CNTN1: variants seen among roughly 807,000 people sequenced by gnomAD.
CNTN1 encodes contactin 1.
In CNTN1, 38 loss-of-function variants were observed where a neutral mutation model predicts 126.4. The ratio of observed to expected loss-of-function variants is 0.30; its 90% CI spans 0.23 to 0.39. The LOEUF (loss-of-function observed/expected upper bound fraction) is 0.39, where lower values mean the gene tolerates loss of function less well. Among genes scored for constraint, CNTN1 ranks in the 10% least tolerant of loss-of-function variants. The probability of loss-of-function intolerance (pLI) is 1.00; values close to 1 mark genes in which losing one functional copy is unlikely to be tolerated. For synonymous variants in CNTN1, 413 were observed against 422.6 expected (o/e 0.98, Z 0.28); for missense variants, 1,009 against 1,248.4 (o/e 0.81, Z 2.89).
intron 1 of CNTN1, among the ~76,000 whole-genome samples, chr12:40,735,655 G>A (rs977054536): frequency 4.6e-5 from 7 of 152,034 alleles, no homozygotes; most frequent in African/African-American, 1.4e-4. Flanking sequence ...GACAAAAATA[G>A]GGATATCTAT....
chr12:40,723,375 C>G (rs1362599678), intron 1 of CNTN1, among the ~76,000 whole-genome samples: 1 of 152,190 alleles, frequency 6.6e-6, no homozygotes, highest in Non-Finnish European at 1.5e-5. Flanking sequence ...CTGCTTTACG[C>G]TTTCAGTTTT....
At chr12:40,798,983 C>G (rs1278924064) in intron 1 of CNTN1, among the ~76,000 whole-genome samples, 1 of 100,744 alleles carries the variant, frequency 9.9e-6, no homozygotes, top group African/African-American at 3.9e-5. Context: ...TATTTTTTAA[C>G]TTTATGTATA....
At chr12:40,757,984 C>T (rs904345272) in intron 1 of CNTN1, among the ~76,000 whole-genome samples, 17 of 148,432 alleles carry the variant, frequency 1.1e-4, no homozygotes, top group Admixed American at 7.4e-4. Context: ...TTGGTGTTGT[C>T]GAGGATTAAT....
At chr12:40,858,390 A>G (rs1020164233) in intron 1 of CNTN1, among the ~76,000 whole-genome samples, 10 of 152,216 alleles carry the variant, frequency 6.6e-5, no homozygotes, top group Admixed American at 5.9e-4. Context: ...AACAATATGA[A>G]AAAAAGCTGA....
At chr12:40,858,306 C>A (rs1355259511) in intron 1 of CNTN1, among the ~76,000 whole-genome samples, 1 of 152,158 alleles carries the variant, frequency 6.6e-6, no homozygotes, top group Non-Finnish European at 1.5e-5. Context: ...TTGATTAAGA[C>A]CAGCCCATTC....
At chr12:40,999,453 A>G (rs1482078835) in intron 17 of CNTN1, among the ~76,000 whole-genome samples, 1 of 152,130 alleles carries the variant, frequency 6.6e-6, no homozygotes, top group East Asian at 1.9e-4. Context: ...CTTCCCTGAA[A>G]CAAATCATGC....
intron 17 of CNTN1, among the ~76,000 whole-genome samples, chr12:40,997,091 G>A (rs530321799): frequency 1.7e-4 from 26 of 152,270 alleles, no homozygotes; most frequent in African/African-American, 6.0e-4. Context: ...ATTCAGACAC[G>A]TGCATTATAA....
intron 20 of CNTN1, among the ~76,000 whole-genome samples, chr12:41,023,824 A>G (rs1948979665): frequency 6.6e-6 from 1 of 152,192 alleles, no homozygotes; most frequent in African/African-American, 2.4e-5. Flanking sequence ...TTTGAAACAG[A>G]GCCTCAAACA....
intron 19 of CNTN1, among the ~76,000 whole-genome samples, chr12:41,017,288 A>G (rs1193927506): frequency 1.3e-5 from 2 of 150,578 alleles, no homozygotes; most frequent in Non-Finnish European, 3.0e-5. Flanking sequence ...CTTCTATAAT[A>G]TGGCCGGGCG....
intron 1 of CNTN1, among the ~76,000 whole-genome samples, chr12:40,782,100 A>AC (rs1488572112): frequency 6.6e-6 from 1 of 151,932 alleles, no homozygotes; most frequent in Non-Finnish European, 1.5e-5. Context: ...TTTGAGTGAA[A>AC]CCATCCCCTA....
intron 1 of CNTN1, among the ~76,000 whole-genome samples, chr12:40,733,363 A>G (rs1448272103): frequency 6.6e-6 from 1 of 151,962 alleles, no homozygotes; most frequent in Non-Finnish European, 1.5e-5. Flanking sequence ...TTATGTTAAA[A>G]GTCAGATTTT....
chr12:41,020,282 A>C, intron 19 of CNTN1, 55 bp from the exon 20 acceptor site: 1 of 1,150,478 alleles, frequency 8.7e-7, no homozygotes, highest in Non-Finnish European at 1.3e-6. Flanking sequence ...ATGCTATTCG[A>C]ATTTCTTAAA....
At chr12:40,697,461 A>G (rs1366267303) in intron 1 of CNTN1, among the ~76,000 whole-genome samples, 2 of 152,216 alleles carry the variant, frequency 1.3e-5, no homozygotes, top group African/African-American at 4.8e-5. Context: ...GTAATAGGAA[A>G]TCTGAGGTAT....
At chr12:41,016,436 G>A (rs189994095) in intron 18 of CNTN1, among the ~76,000 whole-genome samples, 129 of 152,226 alleles carry the variant, frequency 8.5e-4, no homozygotes, top group African/African-American at 3.0e-3. Flanking sequence ...AGAAGAAACT[G>A]AAAGGAAAAA....
At chr12:40,963,141 G>T (rs1040450409) in intron 15 of CNTN1, among the ~76,000 whole-genome samples, 1 of 151,966 alleles carries the variant, frequency 6.6e-6, no homozygotes, top group Non-Finnish European at 1.5e-5. Flanking sequence ...AAAATTGATG[G>T]CCAGGTGTGG....
chr12:40,867,139 C>T (rs1943323062), intron 1 of CNTN1, among the ~76,000 whole-genome samples: 1 of 152,076 alleles, frequency 6.6e-6, no homozygotes. Flanking sequence ...TTTAATGTAC[C>T]TTGTTGTCCA....
intron 23 of CNTN1, among the ~76,000 whole-genome samples, chr12:41,042,212 G>C (rs1488740666): frequency 6.6e-6 from 1 of 152,114 alleles, no homozygotes; most frequent in Admixed American, 6.6e-5. Flanking sequence ...CAGTTTCCAT[G>C]TAGTTGAGCA....
intron 1 of CNTN1, among the ~76,000 whole-genome samples, chr12:40,732,994 G>T (rs1395637969): frequency 2.0e-5 from 3 of 151,830 alleles, no homozygotes; most frequent in Admixed American, 1.3e-4. Flanking sequence ...ATTTATTCTT[G>T]TAGTCACCTA....
chr12:40,765,953 A>G (rs1414362688), intron 1 of CNTN1, among the ~76,000 whole-genome samples: 1 of 152,204 alleles, frequency 6.6e-6, no homozygotes, highest in Non-Finnish European at 1.5e-5. Context: ...GATATATCCA[A>G]TGTTGTGGAA....
Sources: allele counts gnomAD v4.1 joint callset (sites outside exome capture counted in the v4.1 genomes callset), GRCh38; gene constraint gnomAD v4.1.1; transcripts MANE v1.5; gene names NCBI Gene and HGNC (gene_info 2026-07-23, HGNC 2026-07-21).